The following OLA1 variants were observed in gnomAD, a reference collection of about 807,000 sequenced individuals.
OLA1 encodes the protein Obg like ATPase 1, also known as obg-like ATPase 1.
Under a neutral mutation model 48.4 loss-of-function variants are expected in OLA1, and 14 were observed. That is an observed-to-expected ratio of 0.29 (90% CI 0.19 to 0.45). The LOEUF (loss-of-function observed/expected upper bound fraction) is 0.45, where lower values mean the gene tolerates loss of function less well. Ranked by LOEUF, OLA1 falls within the 20% of genes least tolerant of loss-of-function variation. The pLI is 1.00. For synonymous variants in OLA1, 127 were observed against 150.4 expected, an observed-to-expected ratio of 0.84 and a Z score of 1.14; for missense variants, 325 against 467.1, an observed-to-expected ratio of 0.70 and a Z score of 2.80.
chr2:174,099,816 T>C (rs1208599637), intron 7 of OLA1, among the ~76,000 whole-genome samples: 1 of 152,234 alleles, frequency 6.6e-6, no homozygotes, highest in Admixed American at 6.5e-5. Context: ...AATCAAATGC[T>C]ATGTAATTGA....
chr2:174,236,779 A>G (rs1688860378), intron 2 of OLA1, among the ~76,000 whole-genome samples: 1 of 152,206 alleles, frequency 6.6e-6, no homozygotes, highest in African/African-American at 2.4e-5. Context: ...ACACAATGGC[A>G]GGTACTATAT....
chr2:174,163,697 A>AAAATAAATAAATAAAT (rs1338891448), intron 4 of OLA1, among the ~76,000 whole-genome samples: 1 of 64,094 alleles, frequency 1.6e-5, no homozygotes, highest in Non-Finnish European at 2.8e-5. Context: ...TCTCAAAAAT[A>AAAATAAATAAATAAAT]AAATAAATAA....
At chr2:174,117,183 T>C (rs1685804174) in intron 7 of OLA1, among the ~76,000 whole-genome samples, 1 of 152,232 alleles carries the variant, frequency 6.6e-6, no homozygotes, top group African/African-American at 2.4e-5. Flanking sequence ...CAAGGTAATG[T>C]ATCCAAAAGA....
intron 4 of OLA1, among the ~76,000 whole-genome samples, chr2:174,179,267 G>A (rs1687480506): frequency 6.6e-6 from 1 of 151,360 alleles, no homozygotes. Flanking sequence ...GATAAACTGT[G>A]AGAAATGACT....
chr2:174,144,951 A>AAAAATATATAT (rs1181030817), intron 4 of OLA1, among the ~76,000 whole-genome samples: 2 of 40,296 alleles, frequency 5.0e-5, no homozygotes, highest in Non-Finnish European at 8.0e-5. Context: ...AAAAAAAAAA[A>AAAAATATATAT]ATATATATAT....
intron 5 of OLA1, among the ~76,000 whole-genome samples, chr2:174,126,421 G>A (rs1423058296): frequency 1.3e-5 from 2 of 152,108 alleles, no homozygotes; most frequent in Non-Finnish European, 2.9e-5. Flanking sequence ...TGCAGATGTA[G>A]GGGTACTAAA....
At chr2:174,111,673 C>A (rs1685654813) in intron 7 of OLA1, among the ~76,000 whole-genome samples, 1 of 152,234 alleles carries the variant, frequency 6.6e-6, no homozygotes, top group Admixed American at 6.5e-5. Context: ...TACAAAACAT[C>A]CATTTGTATT....
intron 4 of OLA1, among the ~76,000 whole-genome samples, chr2:174,182,250 C>T (rs1574533717): frequency 6.6e-6 from 1 of 152,118 alleles, no homozygotes; most frequent in African/African-American, 2.4e-5. Context: ...TTCGGCCGGG[C>T]GCGGTGGCTC....
chr2:174,210,273 T>C (rs1559006530), intron 4 of OLA1, among the ~76,000 whole-genome samples: 1 of 152,154 alleles, frequency 6.6e-6, no homozygotes, highest in Non-Finnish European at 1.5e-5. Context: ...AAAGCATATG[T>C]CCTTTCTGAT....
At chr2:174,132,108 TTG>T (rs1686196618) in intron 5 of OLA1, among the ~76,000 whole-genome samples, 1 of 152,048 alleles carries the variant, frequency 6.6e-6, no homozygotes, top group African/African-American at 2.4e-5. Context: ...TCTTTTAAAT[TTG>T]CCCATCTCAT....
At chr2:174,174,510 C>T (rs764886012) in intron 4 of OLA1, among the ~76,000 whole-genome samples, 5 of 151,914 alleles carry the variant, frequency 3.3e-5, no homozygotes, top group African/African-American at 7.2e-5. Context: ...CTAGGAATAA[C>T]GAGTAACTAC....
At chr2:174,102,503 G>C (rs1337196218) in intron 7 of OLA1, among the ~76,000 whole-genome samples, 5 of 151,660 alleles carry the variant, frequency 3.3e-5, no homozygotes, top group Non-Finnish European at 7.4e-5. Flanking sequence ...TTCTGAGAGA[G>C]AAAGAGACAG....
At chr2:174,231,681 A>T (rs4425051) in intron 2 of OLA1, among the ~76,000 whole-genome samples, 74,888 of 152,068 alleles carry the variant, frequency 0.49, 19,243 homozygotes, top group East Asian at 0.99. Flanking sequence ...AAATATCCAT[A>T]TTCACAGACT....
At chr2:174,139,667 C>A (rs1686393103) in intron 5 of OLA1, among the ~76,000 whole-genome samples, 1 of 152,126 alleles carries the variant, frequency 6.6e-6, no homozygotes, top group Non-Finnish European at 1.5e-5. Context: ...GGGTTTGACA[C>A]CAGCCTGGCC....
chr2:174,203,944 A>G (rs975736691), intron 4 of OLA1, among the ~76,000 whole-genome samples: 8 of 151,462 alleles, frequency 5.3e-5, no homozygotes, highest in Non-Finnish European at 1.2e-4. Context: ...ACAGGTGTGC[A>G]CCACTGCGCC....
intron 4 of OLA1, among the ~76,000 whole-genome samples, chr2:174,149,273 T>C (rs1177124863): frequency 6.6e-6 from 1 of 152,246 alleles, no homozygotes; most frequent in Non-Finnish European, 1.5e-5. Flanking sequence ...ACTGAAATAG[T>C]AGTCTCTTTC....
intron 2 of OLA1, among the ~76,000 whole-genome samples, chr2:174,234,556 C>A (rs2105460154): frequency 6.6e-6 from 1 of 152,208 alleles, no homozygotes; most frequent in Non-Finnish European, 1.5e-5. Context: ...CTTGACCTCC[C>A]AGGATCAAGA....
At chr2:174,217,586 CAT>C (rs1383950074) in intron 4 of OLA1, among the ~76,000 whole-genome samples, 10 of 152,124 alleles carry the variant, frequency 6.6e-5, no homozygotes, top group African/African-American at 9.7e-5. Context: ...CAGATGTATA[CAT>C]GTCTTGACAT....
chr2:174,203,530 G>A (rs1286485763), intron 4 of OLA1, among the ~76,000 whole-genome samples: 1 of 148,316 alleles, frequency 6.7e-6, no homozygotes. Context: ...CGAACTCCTG[G>A]CTTCAAGTGA....
Sources: gnomAD v4.1 joint callset for allele counts (sites outside exome capture counted in the v4.1 genomes callset) on GRCh38, gnomAD v4.1.1 for gene constraint, MANE v1.5 for transcripts, NCBI Gene and HGNC (gene_info 2026-07-23, HGNC 2026-07-21) for gene names.